Variants in UNC80 observed in about 807,000 individuals in gnomAD.
UNC80 encodes the protein unc-80 subunit of NALCN channel complex, also known as protein unc-80 homolog.
Under a neutral mutation model 384.6 loss-of-function variants are expected in UNC80, and 164 were observed. That is an observed-to-expected ratio of 0.43 (90% CI 0.38 to 0.49). UNC80 has a LOEUF of 0.49. Among genes scored for constraint, UNC80 ranks in the 20% least tolerant of loss-of-function variants. The pLI, the probability that UNC80 is intolerant of heterozygous loss-of-function variation, is 0.00. For synonymous variants in UNC80, 1,486 were observed against 1,527.8 expected (o/e 0.97, Z 0.64); for missense variants, 3,330 against 4,143.0 (o/e 0.80, Z 5.39).
chr2:209,813,097 C>G (rs1467646681), intron 7 of UNC80, among the ~76,000 whole-genome samples: 1 of 152,132 alleles, frequency 6.6e-6, no homozygotes, highest in Non-Finnish European at 1.5e-5. Context: ...ATGAAGTAGG[C>G]AAGGCAAATA....
intron 7 of UNC80, among the ~76,000 whole-genome samples, chr2:209,799,637 C>T (rs979997771): frequency 6.6e-6 from 1 of 152,114 alleles, no homozygotes; most frequent in Non-Finnish European, 1.5e-5. Context: ...AGAGGGCATC[C>T]TTATCTTGTA....
chr2:209,990,833 G>C (rs2093378685), intron 61 of UNC80, among the ~76,000 whole-genome samples: 2 of 152,146 alleles, frequency 1.3e-5, no homozygotes, highest in Admixed American at 1.3e-4. Context: ...AAAAGCACCT[G>C]TTTTGGTACT....
chr2:209,795,661 G>A (rs61209251), intron 7 of UNC80: 42,155 of 152,172 alleles, frequency 0.28, 6,258 homozygotes, highest in Non-Finnish European at 0.33. Context: ...AACTGCTCCA[G>A]CTGTGGCTGA....
At position 209,813,618 on chromosome 2, in the gene UNC80, A is replaced by G; in HGVS notation, c.977A>G (p.Tyr326Cys). ...ATACCTCCGTGCCAAAGGTCCCGCT[A>G]TGCCACCTACTTTGACGTTGCTGTT... ...LVIPPCQRSR[Y>C]ATYFDVAVLR... is the part of the protein sequence containing the mutation. Residue 326 changes from tyrosine to cysteine, a missense_variant, in exon 8 of 65, where the codon TAT (tyrosine) becomes TGT (cysteine). By Grantham distance (194) the Tyr-to-Cys change is radical. This residue lies in a region of UNC80 where 937 missense variants were observed against 1,026.8 expected (regional missense o/e 0.91). Transcript: ENST00000673920. The G allele has an allele frequency of 6.4e-7, 1 of 1,551,832 alleles. No individual in the cohort carries two copies. Among genetic ancestry groups the G allele is most frequent in the Non-Finnish European group, 8.7e-7 (1 of 1,147,036 alleles).
chr2:209,820,698 A>T lies in UNC80; in HGVS notation c.2331+19A>T, dbSNP rs1204683509. 6.7e-7 allele frequency: 1 copy of T among 1,496,082 alleles called. No individual in the cohort carries two copies. The highest frequency in any genetic ancestry group is 8.9e-7 in the Non-Finnish European group (1 of 1,123,676). The allele number at this position is 1,496,082 out of a possible 1,614,324, so 92.7% of individuals were successfully genotyped here. A position where few individuals can be genotyped will look rare whatever the true frequency, so the allele number is the denominator to read the frequency against. On this transcript the variant is annotated intron_variant, in intron 13 of 64. Coordinates refer to ENST00000673920, the MANE Select transcript of UNC80 (RefSeq NM_001371986.1). The stretch of plus-strand genomic sequence containing the variant: ...AGAGAAGGTATGACTGAACCACCTT[A>T]TGTGTCCTCATGAAATGTCATACCT...
At chr2:209,930,024 G>A (rs2124964323) in intron 37 of UNC80, 53 bp downstream of exon 37, 2 of 1,285,076 alleles carry the variant, frequency 1.6e-6, no homozygotes, top group Non-Finnish European at 2.1e-6. Context: ...TGTGAACACT[G>A]TTAAAATCAT....
chr2:209,845,946 CTT>C (rs376930910), intron 21 of UNC80, among the ~76,000 whole-genome samples: 1 of 151,682 alleles, frequency 6.6e-6, no homozygotes, highest in Non-Finnish European at 1.5e-5. Context: ...TTCCTTCTCT[CTT>C]TTCTTTCTCT....
chr2:209,967,355 A>G, intron 51 of UNC80, 82 bp from the exon 52 acceptor site: 1 of 1,062,792 alleles, frequency 9.4e-7, no homozygotes, highest in Non-Finnish European at 1.3e-6. Flanking sequence ...GGGGTGATTA[A>G]CATGTTGCTG....
At chr2:209,943,043 A>G (rs1232096836) in intron 44 of UNC80, among the ~76,000 whole-genome samples, 1 of 152,220 alleles carries the variant, frequency 6.6e-6, no homozygotes, top group Non-Finnish European at 1.5e-5. Context: ...TAACCAAGAT[A>G]TATTTATGAA....
intron 4 of UNC80, among the ~76,000 whole-genome samples, chr2:209,779,202 G>T (rs978881486): frequency 1.3e-5 from 2 of 152,124 alleles, no homozygotes; most frequent in African/African-American, 4.8e-5. Context: ...ACCTACCCCT[G>T]TGCACCTCCT....
intron 51 of UNC80, among the ~76,000 whole-genome samples, chr2:209,964,554 C>T (rs765984417): frequency 5.9e-5 from 9 of 152,134 alleles, no homozygotes; most frequent in South Asian, 4.2e-4. Flanking sequence ...TTTGGGAGGA[C>T]GAGTTGGGCA....
chr2:209,849,433 A>G lies in UNC80; in HGVS notation c.3455-18A>G, dbSNP rs1305908451. Reference sequence around the variant, plus strand: ...GTTCTCTCTCTTTCATTCCTCCACCATGGCACCACCTTTACAGGTTGCCAC... The same window carrying G: ...GTTCTCTCTCTTTCATTCCTCCACCGTGGCACCACCTTTACAGGTTGCCAC... On this transcript the variant is annotated intron_variant, in intron 21 of 64. Coordinates refer to ENST00000673920, the MANE Select transcript of UNC80 (RefSeq NM_001371986.1). The G allele has an allele frequency of 2.6e-6, 4 of 1,550,392 alleles. No homozygotes were observed. Among genetic ancestry groups the G allele is most frequent in the Admixed American group, 3.9e-5 (2 of 50,902 alleles).
At position 209,786,128 on chromosome 2, in the gene UNC80, C is replaced by T; in HGVS notation, c.663C>T (p.His221=). 1 of 1,614,110 alleles carries T rather than the reference C, an allele frequency of 6.2e-7. No individual in the cohort carries two copies. The highest frequency in any genetic ancestry group is 1.1e-5 in the South Asian group (1 of 91,074). The change falls in exon 5 of 65, where the codon CAC becomes CAT. Residue 221 remains histidine, a synonymous_variant. Transcript: ENST00000673920. ...TTATATGGCAGCCCATGTGGGAACACAGACAGCCCGGAGTCTCTGGCTTTA... is the reference window on the plus strand; with the variant it reads ...TTATATGGCAGCCCATGTGGGAACATAGACAGCCCGGAGTCTCTGGCTTTA... ...GLVIWQPMWE[H]RQPGVSGFTA...
rs529804510 is a variant in UNC80 at position 209,919,628 on chromosome 2, T to C, written c.5343+965T>C. On this transcript the variant is annotated intron_variant, in intron 33 of 64. Transcript: ENST00000673920. Reference sequence around the variant, plus strand: ...TTTGAACATCTTTGCATATTACTCATAGTATTTCTAGGCATTTGTCGCTTT... The same window carrying C: ...TTTGAACATCTTTGCATATTACTCACAGTATTTCTAGGCATTTGTCGCTTT... Among the ~76,000 whole-genome samples, 110 of 152,378 alleles carry C rather than the reference T, an allele frequency of 7.2e-4. 1 individual carries two copies. The South Asian group carries it at 0.02, about 28-fold the overall frequency.
intron 29 of UNC80, among the ~76,000 whole-genome samples, chr2:209,912,093 C>A (rs1055542578): frequency 2.6e-5 from 4 of 152,202 alleles, no homozygotes; most frequent in African/African-American, 4.8e-5. Context: ...GTTTTCTCTC[C>A]TTTATGACCA....
intron 35 of UNC80, among the ~76,000 whole-genome samples, chr2:209,923,300 A>G (rs1020922459): frequency 2.6e-5 from 4 of 152,114 alleles, no homozygotes; most frequent in Non-Finnish European, 5.9e-5. Context: ...ATCCAAGGTC[A>G]CAATTTGTCT....
At chr2:209,831,298 T>G (rs2080948537) in intron 15 of UNC80, 145 bp from the exon 16 acceptor site, 3 of 813,298 alleles carry the variant, frequency 3.7e-6, no homozygotes, top group Admixed American at 3.5e-5. Flanking sequence ...GCCTAGAGAT[T>G]ATTAAACCTG....
intron 13 of UNC80, 140 bp from the exon 14 acceptor site, chr2:209,825,767 G>A (rs559409798): frequency 6.3e-5 from 46 of 725,880 alleles, no homozygotes; most frequent in East Asian, 5.9e-4. Context: ...TGTTGAGCCC[G>A]TTACAATTCT....
chr2:209,809,493 C>T, intron 7 of UNC80: 1 of 1,263,538 alleles, frequency 7.9e-7, no homozygotes, highest in Non-Finnish European at 1.2e-6. Context: ...TCAAGAAGTA[C>T]CAGTGCCAGG....
Sources: allele counts gnomAD v4.1 joint callset (sites outside exome capture counted in the v4.1 genomes callset), GRCh38; gene constraint gnomAD v4.1.1; regional missense constraint gnomAD v4.1.1; transcripts MANE v1.5; gene names NCBI Gene and HGNC (gene_info 2026-07-23, HGNC 2026-07-21).